Variants in OSBPL10 observed in about 807,000 individuals in gnomAD.
The protein encoded by OSBPL10 is oxysterol-binding protein-related protein 10.
OSBPL10 carries 49 observed loss-of-function variants against 81.7 expected under a neutral mutation model. The observed-to-expected ratio is 0.60, with a 90% CI of 0.48 to 0.76. The LOEUF (loss-of-function observed/expected upper bound fraction) is 0.76, where lower values mean the gene tolerates loss of function less well. OSBPL10 is among the 30% of genes least tolerant of loss of function. The pLI is 0.00. For missense variants in OSBPL10, 923 were observed against 987.8 expected (o/e 0.93, Z 0.88); for synonymous variants, 419 against 383.6 (o/e 1.09, Z -1.08).
intron 1 of OSBPL10, among the ~76,000 whole-genome samples, chr3:32,052,655 G>A (rs1699677890): frequency 1.3e-5 from 2 of 152,162 alleles, no homozygotes; most frequent in Admixed American, 6.5e-5. Flanking sequence ...CCTTTGCAGG[G>A]ACATGGATAA....
chr3:31,919,297 A>T (rs575653718), intron 1 of OSBPL10: 1 of 152,362 alleles, frequency 6.6e-6, no homozygotes, highest in Admixed American at 6.5e-5. Flanking sequence ...AAAAGACCAA[A>T]TTTAAAACAT....
Position 32,003,322 on chromosome 3 carries a change from A to C in OSBPL10, n.298+43169T>G, listed in dbSNP as rs944146395. Among the ~76,000 whole-genome samples, 3 of 152,220 alleles carry C rather than the reference A, an allele frequency of 2.0e-5. No individual in the cohort carries two copies. In the South Asian group the frequency reaches 6.2e-4, roughly 31 times the overall value. Reference sequence around the variant, plus strand: ...GTCTTCCTATGCATATACACATGAAAGGCAAGTAGCCCCCAGAGGGGAAGT... The same window carrying C: ...GTCTTCCTATGCATATACACATGAACGGCAAGTAGCCCCCAGAGGGGAAGT... On this transcript the variant is annotated intron_variant and non_coding_transcript_variant, in intron 2 of 3. Transcript: ENST00000479173.
At chr3:31,787,664 T>TCAGCCACACCA (rs1698894077) in intron 4 of OSBPL10, among the ~76,000 whole-genome samples, 1 of 151,578 alleles carries the variant, frequency 6.6e-6, no homozygotes, top group South Asian at 2.1e-4. Flanking sequence ...GCCAGCCGGT[T>TCAGCCACACCA]CAGCCACACC....
Position 31,661,904 on chromosome 3 carries a change from G to C in OSBPL10, c.*168C>G. ...GCTCTTGAATAAATTCATTCCTCTAGCAGAGTGTGGGGGTGCACTTTTCAT... is the reference window on the plus strand; with the variant it reads ...GCTCTTGAATAAATTCATTCCTCTACCAGAGTGTGGGGGTGCACTTTTCAT... On this transcript the variant is annotated 3_prime_UTR_variant, in exon 12 of 12. Transcript: ENST00000396556. 1.0e-6 allele frequency: 1 copy of C among 972,572 alleles called. No individual in the cohort carries two copies. The highest frequency in any genetic ancestry group is 2.6e-5 in the East Asian group (1 of 38,426). 60.2% of individuals were successfully genotyped at this position (972,572 alleles called of 1,614,324 possible).
chr3:31,761,323 T>A (rs1320250627), intron 4 of OSBPL10, among the ~76,000 whole-genome samples: 1 of 151,354 alleles, frequency 6.6e-6, no homozygotes, highest in Admixed American at 6.6e-5. Flanking sequence ...AATACAAAAA[T>A]TAGCTGGATG....
chr3:31,973,292 C>T (rs887022262), intron 1 of OSBPL10, among the ~76,000 whole-genome samples: 1 of 152,194 alleles, frequency 6.6e-6, no homozygotes, highest in Non-Finnish European at 1.5e-5. Context: ...TCAACTGGGT[C>T]CTCATGTAAT....
At chr3:31,898,006 C>CAAAAAAAAAAAAAAAAAAAAAAAA (rs58479197) in intron 1 of OSBPL10, among the ~76,000 whole-genome samples, 1 of 62,454 alleles carries the variant, frequency 1.6e-5, no homozygotes, top group Admixed American at 2.3e-4. Context: ...AGAACTCTGT[C>CAAAAAAAAAAAAAAAAAAAAAAAA]AAAAAAAAAA....
At chr3:31,786,840 C>T (rs992780904) in intron 4 of OSBPL10, among the ~76,000 whole-genome samples, 1 of 152,154 alleles carries the variant, frequency 6.6e-6, no homozygotes, top group Non-Finnish European at 1.5e-5. Flanking sequence ...TCAGTTACTA[C>T]GAGCTAGACT....
intron 2 of OSBPL10, among the ~76,000 whole-genome samples, chr3:32,016,935 G>T (rs1052113049): frequency 5.3e-5 from 8 of 152,156 alleles, no homozygotes; most frequent in African/African-American, 1.9e-4. Flanking sequence ...ATTCTTGGTA[G>T]CTATTATCTT....
chr3:31,668,628 A>T lies in OSBPL10; in HGVS notation c.2096+14T>A. Reference sequence around the variant, plus strand: ...ATGACTAAGCTGGAGAGGAAGACACAGCCCGGTTCTCACCTGGACTCCATG... The same window carrying T: ...ATGACTAAGCTGGAGAGGAAGACACTGCCCGGTTCTCACCTGGACTCCATG... On this transcript the variant is annotated intron_variant, in intron 10 of 11. Coordinates refer to ENST00000396556, the MANE Select transcript of OSBPL10 (RefSeq NM_017784.5). The T allele has an allele frequency of 6.3e-7, 1 of 1,599,368 alleles. No individual in the cohort carries two copies. Among genetic ancestry groups the T allele is most frequent in the South Asian group, 1.1e-5 (1 of 88,724 alleles).
chr3:31,692,075 A>G (rs1695573226), intron 7 of OSBPL10, among the ~76,000 whole-genome samples: 1 of 152,124 alleles, frequency 6.6e-6, no homozygotes, highest in Non-Finnish European at 1.5e-5. Flanking sequence ...TTTGAAATAA[A>G]ATTTTACTTT....
chr3:31,811,050 C>T lies in OSBPL10; in HGVS notation c.729+18990G>A, dbSNP rs112321080. On this transcript the variant is annotated intron_variant, in intron 4 of 11. Coordinates refer to ENST00000396556, the MANE Select transcript of OSBPL10 (RefSeq NM_017784.5). ...CCAAACCGAAACTAACCACTGAGCC[C>T]TCATGTACTCACTGTGAGCCTATAA... Among the ~76,000 whole-genome samples, 261 of 152,254 alleles carry T rather than the reference C, an allele frequency of 1.7e-3. 1 individual carries two copies. In the Middle Eastern group the frequency reaches 0.031, roughly 18 times the overall value.
Position 31,704,984 on chromosome 3 carries a change from C to T in OSBPL10, c.1096-2476G>A, listed in dbSNP as rs922675871. 5 of 152,394 alleles carry T rather than the reference C, an allele frequency of 3.3e-5. 1 individual carries two copies. Among genetic ancestry groups the T allele is most frequent in the African/African-American group, 9.6e-5 (4 of 41,578 alleles). The allele number at this position is 152,394 out of a possible 1,614,324, so 9.4% of individuals were successfully genotyped here. On this transcript the variant is annotated intron_variant, in intron 6 of 11. Coordinates refer to ENST00000396556, the MANE Select transcript of OSBPL10 (RefSeq NM_017784.5). The stretch of plus-strand genomic sequence containing the variant: ...AACAGCACATGCCCTCTGTGTCTGA[C>T]AATTCCTCTCAAAGACAGTGGCTCC...
At position 32,062,258 on chromosome 3, in the gene OSBPL10, T is replaced by C. The variant is rs905091871; in HGVS notation, n.185+15138A>G. Among the ~76,000 whole-genome samples the C allele has an allele frequency of 6.5e-5, 6 of 93,014 alleles. 2 individuals carry two copies. Among genetic ancestry groups the C allele is most frequent in the African/African-American group, 1.7e-4 (6 of 36,200 alleles). 61.0% of individuals were successfully genotyped at this position (93,014 alleles called of 152,430 possible). A position where few individuals can be genotyped will look rare whatever the true frequency, so the allele number is the denominator to read the frequency against. ...TAGCTGGGAATACAGGCATGCACCA[T>C]TACACCCAGCTAATTTTTGTATTTT... On this transcript the variant is annotated intron_variant and non_coding_transcript_variant, in intron 1 of 3. Transcript: ENST00000479173.
intron 3 of OSBPL10, among the ~76,000 whole-genome samples, chr3:31,838,305 T>G (rs1700408830): frequency 1.3e-5 from 2 of 151,836 alleles, no homozygotes; most frequent in Non-Finnish European, 2.9e-5. Flanking sequence ...GGTCAGGAGA[T>G]CGAGACCATC....
At chr3:31,886,082 C>G (rs1328675120) in intron 1 of OSBPL10, among the ~76,000 whole-genome samples, 1 of 151,394 alleles carries the variant, frequency 6.6e-6, no homozygotes, top group Non-Finnish European at 1.5e-5. Flanking sequence ...CTCACTCATG[C>G]TGACAGCCAG....
intron 6 of OSBPL10, chr3:31,732,532 A>T (rs908789710): frequency 2.0e-5 from 3 of 152,380 alleles, no homozygotes; most frequent in Non-Finnish European, 4.4e-5. Flanking sequence ...TATCAAGACT[A>T]TATCATGTGC....
intron 10 of OSBPL10, among the ~76,000 whole-genome samples, chr3:31,667,509 C>T (rs1028576817): frequency 1.3e-5 from 2 of 152,214 alleles, no homozygotes; most frequent in Non-Finnish European, 2.9e-5. Context: ...TTTCCACTTA[C>T]AAGAACTGTT....
rs76737262 is a variant in OSBPL10, at chr3:31,863,102, T to C, written c.537+13331A>G. 3.3e-5 allele frequency among the ~76,000 whole-genome samples: 5 copies of C among 152,342 alleles called. No homozygotes were observed. In the East Asian group the frequency reaches 9.6e-4, roughly 29 times the overall value. On this transcript the variant is annotated intron_variant, in intron 3 of 11. Coordinates refer to ENST00000396556, the MANE Select transcript of OSBPL10 (RefSeq NM_017784.5). The stretch of plus-strand genomic sequence containing the variant: ...TCATAAAAAAGGAATGAAGTACTGA[T>C]TTATGCTACAACATGGATGAACCTT...
Sources: gnomAD v4.1 joint callset for allele counts (sites outside exome capture counted in the v4.1 genomes callset) on GRCh38, gnomAD v4.1.1 for gene constraint, MANE v1.5 for transcripts, NCBI Gene and HGNC (gene_info 2026-07-23, HGNC 2026-07-21) for gene names.